STIM1: variants seen among roughly 807,000 people sequenced by gnomAD.
STIM1 encodes stromal interaction molecule 1.
In STIM1, 25 loss-of-function variants were observed where a neutral mutation model predicts 74.7. The ratio of observed to expected loss-of-function variants is 0.33; its 90% CI spans 0.24 to 0.47. STIM1 has a LOEUF of 0.47. Among genes scored for constraint, STIM1 ranks in the 20% least tolerant of loss-of-function variants. The pLI, the probability that STIM1 is intolerant of heterozygous loss-of-function variation, is 1.00. For missense variants in STIM1, 728 were observed against 920.8 expected, an observed-to-expected ratio of 0.79 and a Z score of 2.71; for synonymous variants, 328 against 348.8, an observed-to-expected ratio of 0.94 and a Z score of 0.66.
intron 2 of STIM1, among the ~76,000 whole-genome samples, chr11:4,023,314 C>T (rs978406133): frequency 2.0e-5 from 3 of 150,944 alleles, no homozygotes; most frequent in Admixed American, 6.7e-5. Context: ...GGGTGACGAG[C>T]GAGACTCTGT....
chr11:3,914,720 G>A (rs1300783546), intron 1 of STIM1, among the ~76,000 whole-genome samples: 7 of 152,162 alleles, frequency 4.6e-5, no homozygotes, highest in African/African-American at 1.4e-4. Context: ...GACTACAGGC[G>A]TGAGCTACCG....
chr11:3,934,029 C>T (rs149419187), intron 1 of STIM1, among the ~76,000 whole-genome samples: 74 of 152,208 alleles, frequency 4.9e-4, no homozygotes, highest in East Asian at 3.9e-4. Context: ...CTCTCTTTCC[C>T]GTAGAAGCCC....
At chr11:3,999,628 G>T (rs183462101) in intron 2 of STIM1, 151 of 155,826 alleles carry the variant, frequency 9.7e-4, no homozygotes, top group East Asian at 7.5e-4. Flanking sequence ...AAGAGCTCTG[G>T]TCTACAGCTC....
chr11:3,937,638 A>G (rs1357898087), intron 1 of STIM1, among the ~76,000 whole-genome samples: 1 of 145,918 alleles, frequency 6.9e-6, no homozygotes, highest in Non-Finnish European at 1.5e-5. Flanking sequence ...GGATGATGGC[A>G]GTCCTTCAAT....
intron 5 of STIM1, among the ~76,000 whole-genome samples, chr11:4,061,331 A>C (rs1294375721): frequency 2.0e-5 from 3 of 152,172 alleles, no homozygotes; most frequent in African/African-American, 7.2e-5. Context: ...TCTTAGGCTT[A>C]TTGCATGTAG....
intron 1 of STIM1, chr11:3,961,182 G>T: frequency 6.4e-6 from 1 of 157,472 alleles, no homozygotes. Context: ...TAGAGATGGG[G>T]TCTCACTATG....
intron 1 of STIM1, among the ~76,000 whole-genome samples, chr11:3,960,436 A>T (rs1459283246): frequency 6.6e-6 from 1 of 152,216 alleles, no homozygotes; most frequent in Admixed American, 6.5e-5. Flanking sequence ...GGCTATTTTG[A>T]TATTGTATAA....
intron 1 of STIM1, among the ~76,000 whole-genome samples, chr11:3,948,852 C>G (rs2093110693): frequency 6.6e-6 from 1 of 152,096 alleles, no homozygotes; most frequent in African/African-American, 2.4e-5. Context: ...AAATATTTAC[C>G]AAGCATCTAC....
intron 1 of STIM1, among the ~76,000 whole-genome samples, chr11:3,954,179 C>T (rs1590597270): frequency 6.6e-6 from 1 of 152,118 alleles, no homozygotes; most frequent in African/African-American, 2.4e-5. Flanking sequence ...CCATTCTCTT[C>T]TACCTGTTTT....
intron 1 of STIM1, among the ~76,000 whole-genome samples, chr11:3,895,612 T>C (rs113916350): frequency 6.8e-4 from 22 of 32,318 alleles, no homozygotes; most frequent in African/African-American, 1.4e-3. Context: ...TTCTCTCTCT[T>C]TCTTTCTTTC....
At chr11:3,856,550 T>C in intron 1 of STIM1, 141 bp downstream of exon 1, 1 of 1,067,344 alleles carries the variant, frequency 9.4e-7, no homozygotes. Flanking sequence ...TCCAAGTAGT[T>C]CAAGAAGTTC....
chr11:3,988,815 T>C (rs964746938), intron 2 of STIM1, among the ~76,000 whole-genome samples: 1 of 152,222 alleles, frequency 6.6e-6, no homozygotes, highest in African/African-American at 2.4e-5. Context: ...GCAGGGCTGC[T>C]GACTCCATAT....
chr11:3,903,003 T>C (rs964729229), intron 1 of STIM1, among the ~76,000 whole-genome samples: 5 of 152,236 alleles, frequency 3.3e-5, no homozygotes, highest in Non-Finnish European at 7.3e-5. Flanking sequence ...TATAATTTAT[T>C]AAGTTCTTAC....
chr11:4,090,156 T>C (rs1479711560), intron 12 of STIM1, among the ~76,000 whole-genome samples: 1 of 152,182 alleles, frequency 6.6e-6, no homozygotes, highest in African/African-American at 2.4e-5. Flanking sequence ...TTGGCAGGCC[T>C]CATCATCTTC....
intron 1 of STIM1, among the ~76,000 whole-genome samples, chr11:3,887,709 C>A (rs552443771): frequency 6.6e-6 from 1 of 152,184 alleles, no homozygotes; most frequent in South Asian, 2.1e-4. Flanking sequence ...TGGCTCACAC[C>A]AGTAATCCTA....
chr11:3,944,292 T>C (rs1395694991), intron 1 of STIM1, among the ~76,000 whole-genome samples: 3 of 152,246 alleles, frequency 2.0e-5, no homozygotes, highest in East Asian at 1.9e-4. Flanking sequence ...AAGATTTGTA[T>C]GCTGTGGATG....
intron 2 of STIM1, among the ~76,000 whole-genome samples, chr11:4,015,412 C>T (rs898568154): frequency 8.5e-5 from 13 of 152,210 alleles, no homozygotes; most frequent in Non-Finnish European, 1.5e-4. Context: ...CCAAGAGATC[C>T]ACTGTTAGTC....
intron 1 of STIM1, among the ~76,000 whole-genome samples, chr11:3,926,103 A>G (rs1051518258): frequency 6.6e-6 from 1 of 152,154 alleles, no homozygotes; most frequent in African/African-American, 2.4e-5. Context: ...TCTTTAACCT[A>G]TGGGGGTTGT....
chr11:4,030,461 G>T (rs963046043), intron 3 of STIM1, among the ~76,000 whole-genome samples: 15 of 152,152 alleles, frequency 9.9e-5, no homozygotes, highest in Admixed American at 5.9e-4. Context: ...CCGTATGAAA[G>T]AGCTGGCAGC....
Sources: gnomAD v4.1 joint callset for allele counts (sites outside exome capture counted in the v4.1 genomes callset) on GRCh38, gnomAD v4.1.1 for gene constraint, MANE v1.5 for transcripts, NCBI Gene and HGNC (gene_info 2026-07-23, HGNC 2026-07-21) for gene names.